The following ANKRD27 variants were observed in gnomAD, a reference collection of about 807,000 sequenced individuals.
ANKRD27 encodes the protein ankyrin repeat domain-containing protein 27.
In ANKRD27, 112 loss-of-function variants were observed where a neutral mutation model predicts 129.7. That is an observed-to-expected ratio of 0.86 (90% confidence interval 0.74 to 1.01). ANKRD27 has a LOEUF of 1.01. ANKRD27 is among the 50% of genes least tolerant of loss of function. The pLI, the probability that ANKRD27 is intolerant of heterozygous loss-of-function variation, is 0.00. For synonymous variants in ANKRD27, 516 were observed against 511.2 expected, an observed-to-expected ratio of 1.01 and a Z score of -0.13; for missense variants, 1,258 against 1,300.5, an observed-to-expected ratio of 0.97 and a Z score of 0.50.
intron 18 of ANKRD27, among the ~76,000 whole-genome samples, chr19:32,620,137 A>T (rs1018452712): frequency 2.0e-5 from 3 of 152,096 alleles, no homozygotes; most frequent in African/African-American, 7.2e-5. Context: ...CGACCTTGGC[A>T]GTATTCAGGG....
intron 17 of ANKRD27, among the ~76,000 whole-genome samples, chr19:32,624,366 CAAAA>C (rs546163855): frequency 2.7e-5 from 2 of 72,740 alleles, no homozygotes; most frequent in Admixed American, 1.5e-4. Flanking sequence ...GACTCCGTCT[CAAAA>C]AAAAAAAAAA....
chr19:32,638,514 G>A (rs1967132782), intron 12 of ANKRD27: 1 of 152,320 alleles, frequency 6.6e-6, no homozygotes, highest in South Asian at 2.1e-4. Context: ...GTAACATAAA[G>A]AGAGCTAAAA....
chr19:32,635,376 C>T (rs988845299), intron 12 of ANKRD27, among the ~76,000 whole-genome samples: 3 of 152,236 alleles, frequency 2.0e-5, no homozygotes, highest in African/African-American at 7.2e-5. Flanking sequence ...AAACTCACAA[C>T]TCTTACTCCC....
chr19:32,659,290 A>G (rs1225217194), intron 1 of ANKRD27, among the ~76,000 whole-genome samples: 1 of 152,100 alleles, frequency 6.6e-6, no homozygotes, highest in Non-Finnish European at 1.5e-5. Context: ...CATGTTGGCC[A>G]GGCTGGTCTT....
At position 32,607,747 on chromosome 19, in the gene ANKRD27, T is replaced by A; in HGVS notation, c.2261A>T (p.His754Leu). ...GSSPLHVAAL[H>L]GRADLIPLLL... ...GAGGGGGATGAGGTCCGCCCGGCCG[T>A]GCAGGGCGGCGACATGCAGCGGGGA... The change falls in exon 23 of 29, where the codon CAC (histidine) becomes CTC (leucine). Residue 754 changes from histidine to leucine, a missense_variant. Physicochemically the swap from His to Leu is moderately conservative, Grantham distance 99 (BLOSUM62 -3). Coordinates refer to ENST00000306065, the MANE Select transcript of ANKRD27 (RefSeq NM_032139.3). The A allele has an allele frequency of 6.2e-7, 1 of 1,612,914 alleles. No individual in the cohort carries two copies. The highest frequency in any genetic ancestry group is 1.1e-5 in the South Asian group (1 of 91,000).
chr19:32,670,996 A>C (rs1327012061), intron 1 of ANKRD27, among the ~76,000 whole-genome samples: 4 of 142,732 alleles, frequency 2.8e-5, no homozygotes, highest in East Asian at 4.1e-4. Flanking sequence ...AAAAAATGAC[A>C]AAAAAAAATC....
intron 25 of ANKRD27, 82 bp downstream of exon 25, chr19:32,604,181 T>G (rs1971694308): frequency 2.1e-6 from 3 of 1,462,686 alleles, no homozygotes; most frequent in Non-Finnish European, 1.8e-6. Flanking sequence ...GTTGCTATTT[T>G]AGATCCAGCT....
At chr19:32,657,279 T>C (rs1967556976) in intron 2 of ANKRD27, among the ~76,000 whole-genome samples, 3 of 151,704 alleles carry the variant, frequency 2.0e-5, no homozygotes, top group Non-Finnish European at 2.9e-5. Context: ...CTGGCCAACA[T>C]GGTGAAACCC....
At chr19:32,658,119 C>T (rs1967577098) in intron 2 of ANKRD27, among the ~76,000 whole-genome samples, 1 of 152,272 alleles carries the variant, frequency 6.6e-6, no homozygotes, top group South Asian at 2.1e-4. Flanking sequence ...TAAGTAAAGT[C>T]GCCCCACGGG....
chr19:32,615,389 A>T (rs183544724), intron 22 of ANKRD27, among the ~76,000 whole-genome samples: 1 of 152,256 alleles, frequency 6.6e-6, no homozygotes, highest in Middle Eastern at 3.4e-3. Context: ...GGCCGAGACC[A>T]GTCTGGGCAA....
chr19:32,626,509 AGGAGACTCAGAAAGTCTTCCCAGGAGAC>A (rs1972093286), intron 16 of ANKRD27, among the ~76,000 whole-genome samples, 175 bp downstream of exon 16: 1 of 127,056 alleles, frequency 7.9e-6, no homozygotes, highest in African/African-American at 4.3e-5. Context: ...GATCTTGTCC[AGGAGACTCAGAAAGTCTTCCCAGGAGAC>A]CCCGGGAGTC....
chr19:32,653,615 G>A (rs565404100), intron 2 of ANKRD27, among the ~76,000 whole-genome samples: 55 of 152,214 alleles, frequency 3.6e-4, no homozygotes, highest in African/African-American at 1.3e-3. Flanking sequence ...AGGAGAAGGC[G>A]CTTCCACTGT....
chr19:32,658,568 G>A (rs1439119558), intron 2 of ANKRD27, among the ~76,000 whole-genome samples: 3 of 152,200 alleles, frequency 2.0e-5, no homozygotes, highest in African/African-American at 2.4e-5. Flanking sequence ...GCCCCAGGGA[G>A]CACAACTCAT....
Position 32,643,140 on chromosome 19 carries a change from A to G in ANKRD27, c.765T>C (p.Gly255=). 1 of 1,613,846 alleles carries G rather than the reference A, an allele frequency of 6.2e-7. No homozygotes were observed. Among genetic ancestry groups the G allele is most frequent in the Non-Finnish European group, 8.5e-7 (1 of 1,179,992 alleles). Residue 255 remains glycine (G), a synonymous_variant, in exon 9 of 29, where the codon GGT becomes GGC. Coordinates refer to ENST00000306065, the MANE Select transcript of ANKRD27 (RefSeq NM_032139.3). ...ACCCTTACCTGAACTCCGGTTTCAC[A>G]CCAATATCTTTCTGCTGAAGATCTT... ...SLQDLQQKDI[G]VKPEFSFNIP...
intron 22 of ANKRD27, among the ~76,000 whole-genome samples, chr19:32,608,902 A>G (rs181161611): frequency 6.6e-6 from 1 of 152,140 alleles, no homozygotes; most frequent in Non-Finnish European, 1.5e-5. Flanking sequence ...GGTTGCAGTG[A>G]GCCAAGATCA....
At chr19:32,670,110 CA>C (rs1397756473) in intron 1 of ANKRD27, among the ~76,000 whole-genome samples, 1 of 151,972 alleles carries the variant, frequency 6.6e-6, no homozygotes, top group African/African-American at 2.4e-5. Context: ...CAGCAAGAGA[CA>C]GGAAGGTCAC....
At chr19:32,619,192 T>C in intron 20 of ANKRD27, 68 bp downstream of exon 20, 2 of 1,550,830 alleles carry the variant, frequency 1.3e-6, no homozygotes, top group South Asian at 1.2e-5. Context: ...CCACGGCTCT[T>C]CAGCTGGACA....
At chr19:32,628,056 C>T (rs1425183782) in intron 15 of ANKRD27, 27 bp downstream of exon 15, 3 of 1,610,202 alleles carry the variant, frequency 1.9e-6, no homozygotes, top group South Asian at 2.2e-5. Context: ...TGTGACAGCC[C>T]CTAGGGGCCA....
In ANKRD27 at chr19:32,675,128, C is replaced by A. The variant is rs1302716442; in HGVS notation, c.-88G>T. The A allele has an allele frequency of 1.3e-5, 2 of 152,468 alleles. No homozygotes were observed. Among genetic ancestry groups the A allele is most frequent in the Admixed American group, 6.5e-5 (1 of 15,282 alleles). The allele number at this position is 152,468 out of a possible 1,614,324, so 9.4% of individuals were successfully genotyped here. A position where few individuals can be genotyped will look rare whatever the true frequency, so the allele number is the denominator to read the frequency against. On this transcript the variant is annotated 5_prime_UTR_variant, in exon 1 of 29. Transcript: ENST00000306065. Reference sequence around the variant, plus strand: ...TCCTGGGCGACGGCGGCACCTCCCTCGTCCGCTGCTGGGACCTCGATGCCC... The same window carrying A: ...TCCTGGGCGACGGCGGCACCTCCCTAGTCCGCTGCTGGGACCTCGATGCCC...
Sources: gnomAD v4.1 joint callset for allele counts (sites outside exome capture counted in the v4.1 genomes callset) on GRCh38, gnomAD v4.1.1 for gene constraint, MANE v1.5 for transcripts, NCBI Gene and HGNC (gene_info 2026-07-23, HGNC 2026-07-21) for gene names.